Variants in AHCTF1 observed in about 807,000 individuals in gnomAD.
The protein encoded by AHCTF1 is AT-hook containing transcription factor 1, also known as protein ELYS.
AHCTF1 carries 24 observed loss-of-function variants against 248.4 expected under a neutral mutation model. The observed-to-expected ratio is 0.10, with a 90% CI of 0.07 to 0.14. The LOEUF is 0.14. Ranked by LOEUF, AHCTF1 falls within the 10% of genes least tolerant of loss-of-function variation. The pLI, the probability that AHCTF1 is intolerant of heterozygous loss-of-function variation, is 1.00. For synonymous variants in AHCTF1, 786 were observed against 929.8 expected, an observed-to-expected ratio of 0.85 and a Z score of 2.81; for missense variants, 2,206 against 2,636.2, an observed-to-expected ratio of 0.84 and a Z score of 3.57.
At chr1:246,885,425 C>G in intron 21 of AHCTF1, 68 bp downstream of exon 21, 2 of 1,346,764 alleles carry the variant, frequency 1.5e-6, no homozygotes, top group Non-Finnish European at 2.0e-6. Context: ...TTGCCACTGT[C>G]TATCTCATCA....
intron 1 of AHCTF1, 147 bp downstream of exon 1, chr1:246,931,431 G>A (rs1276699647): frequency 4.3e-6 from 6 of 1,405,816 alleles, no homozygotes; most frequent in Non-Finnish European, 5.6e-6. Context: ...CCCATCCGTT[G>A]GCCCCGCGCA....
rs751362444 is a variant in AHCTF1 at position 246,918,358 on chromosome 1, T to C, written c.13A>G (p.Arg5Gly). The change falls in exon 2 of 36, where the codon AGA (arginine) becomes GGA (glycine). Residue 5 changes from arginine to glycine, a missense_variant. Coordinates refer to ENST00000648844, the MANE Select transcript of AHCTF1 (RefSeq NM_001323342.2). Reference protein sequence around the residue: MRDLRAQVTSGLLPF... With the variant: MRDLGAQVTSGLLPF... The stretch of plus-strand genomic sequence containing the variant: ...AGGAGACCACTAGTCACTTGAGCTC[T>C]TAAGTCTCGCATACTTCCACTGTAA... The C allele has an allele frequency of 3.1e-6, 5 of 1,611,780 alleles. No homozygotes were observed. In the South Asian group the frequency reaches 5.5e-5, roughly 18 times the overall value.
chr1:246,931,299 G>C, intron 1 of AHCTF1: 1 of 1,547,554 alleles, frequency 6.5e-7, no homozygotes. Context: ...GGCGCAGGAC[G>C]CGAACCACCA....
chr1:246,874,243 G>T (rs1662791609), intron 24 of AHCTF1, among the ~76,000 whole-genome samples: 2 of 152,094 alleles, frequency 1.3e-5, no homozygotes, highest in Non-Finnish European at 2.9e-5. Flanking sequence ...GACCATCTTT[G>T]AGGTGGGCCT....
chr1:246,867,811 A>G lies in AHCTF1; in HGVS notation c.3089T>C (p.Val1030Ala), dbSNP rs1173357053. The G allele has an allele frequency of 1.9e-6, 3 of 1,607,340 alleles. No individual in the cohort carries two copies. The highest frequency in any genetic ancestry group is 2.5e-6 in the Non-Finnish European group (3 of 1,177,256). The change falls in exon 25 of 36, where the codon GTT becomes GCT. Residue 1030 changes from valine to alanine, a missense_variant and splice_region_variant. Transcript: ENST00000648844. Reference sequence around the variant, plus strand: ...TGCTGATAATGGTTTGGGTCTAGAAACTGTAAAATGAAGAACGCTGGAATT... The same window carrying G: ...TGCTGATAATGGTTTGGGTCTAGAAGCTGTAAAATGAAGAACGCTGGAATT... ...HLSTSSVFRL[V>A]SRPKPLSAVP...
rs776985432 is a variant in AHCTF1, at chr1:246,851,454, AAAGAT to A, written c.4564-17_4564-13del. 31 of 1,587,200 alleles carry A rather than the reference AAAGAT, an allele frequency of 2.0e-5. No homozygotes were observed. The African/African-American group carries it at 2.3e-4, about 12-fold the overall frequency. ...TCTTGTTCAATCACCTAAATGAATT[AAAGAT>A]AAGAGACTGGTTAAAGAATTTTAAT... On this transcript the variant is annotated splice_polypyrimidine_tract_variant and intron_variant, in intron 32 of 35. Transcript: ENST00000648844.
chr1:246,919,701 C>G (rs1352038596), intron 1 of AHCTF1, among the ~76,000 whole-genome samples: 1 of 87,834 alleles, frequency 1.1e-5, no homozygotes, highest in Admixed American at 1.1e-4. Context: ...AAGACTCCAT[C>G]TCAAAAAAAA....
At chr1:246,869,252 T>TC (rs1443135175) in intron 24 of AHCTF1, among the ~76,000 whole-genome samples, 1 of 151,960 alleles carries the variant, frequency 6.6e-6, no homozygotes, top group South Asian at 2.1e-4. Flanking sequence ...GACTAACTGT[T>TC]CCCCCGCGTC....
At chr1:246,841,057 G>C in intron 35 of AHCTF1, 59 bp from the exon 36 acceptor site, 4 of 1,460,710 alleles carry the variant, frequency 2.7e-6, no homozygotes, top group South Asian at 1.4e-5. Context: ...AAATAAAATT[G>C]GCTTCCCAAC....
chr1:246,927,555 A>C (rs779527555), intron 1 of AHCTF1, among the ~76,000 whole-genome samples: 14 of 152,268 alleles, frequency 9.2e-5, no homozygotes, highest in Non-Finnish European at 1.8e-4. Context: ...AACACACATG[A>C]AACACCTACG....
At chr1:246,861,849 C>G (rs1349271077) in intron 28 of AHCTF1, 110 bp downstream of exon 28, 2 of 921,940 alleles carry the variant, frequency 2.2e-6, no homozygotes, top group Admixed American at 2.9e-5. Context: ...AGATTATATA[C>G]AAAAATCTAT....
chr1:246,863,780 G>C lies in AHCTF1; in HGVS notation c.3540+144C>G, dbSNP rs902040042. 3.8e-6 allele frequency: 3 copies of C among 781,914 alleles called. No homozygotes were observed. The Admixed American group carries it at 8.4e-5, about 22-fold the overall frequency. 48.4% of individuals were successfully genotyped at this position (781,914 alleles called of 1,614,324 possible). On this transcript the variant is annotated intron_variant, in intron 27 of 35. Coordinates refer to ENST00000648844, the MANE Select transcript of AHCTF1 (RefSeq NM_001323342.2). ...AATTTAATTAGCTCCGTTTTTAGAA[G>C]ATGTGAAAACATAAAAGGATGCTTA...
At chr1:246,902,406 T>C (rs1263992513) in intron 8 of AHCTF1, 119 bp downstream of exon 8, 2 of 1,259,990 alleles carry the variant, frequency 1.6e-6, no homozygotes, top group East Asian at 2.3e-5. Flanking sequence ...ACTGAATAAA[T>C]TCCGTTAATT....
intron 1 of AHCTF1, among the ~76,000 whole-genome samples, chr1:246,922,086 ACAGTGGCT>A (rs1451623901): frequency 6.6e-6 from 1 of 152,180 alleles, no homozygotes; most frequent in African/African-American, 2.4e-5. Flanking sequence ...AGGGCTGGGC[ACAGTGGCT>A]CACGCCTGTA....
At chr1:246,914,536 T>C (rs1666015018) in intron 3 of AHCTF1, among the ~76,000 whole-genome samples, 2 of 152,234 alleles carry the variant, frequency 1.3e-5, no homozygotes, top group Admixed American at 1.3e-4. Flanking sequence ...ACTGTAATAA[T>C]GTCTATAAAT....
intron 21 of AHCTF1, among the ~76,000 whole-genome samples, chr1:246,883,828 A>C (rs1663625816): frequency 1.3e-5 from 2 of 152,220 alleles, no homozygotes; most frequent in South Asian, 4.1e-4. Flanking sequence ...TAAGGTTTAG[A>C]AATTAAACTA....
Position 246,849,786 on chromosome 1 carries a change from G to A in AHCTF1, c.6220C>T (p.His2074Tyr). The A allele has an allele frequency of 6.2e-7, 1 of 1,613,918 alleles. No individual in the cohort carries two copies. ...TCTTCCTGCTCATTTGTTTCTTTATGTGTCATTTCATCTGTGCGTTCTTCT... is the reference window on the plus strand; with the variant it reads ...TCTTCCTGCTCATTTGTTTCTTTATATGTCATTTCATCTGTGCGTTCTTCT... ...VSEERTDEMTHKETNEQEERL... is the reference protein window; with the variant it reads ...VSEERTDEMTYKETNEQEERL... Residue 2074 changes from histidine (H) to tyrosine (Y), a missense_variant, in exon 33 of 36, where the codon CAT becomes TAT. His to Tyr is a moderately conservative substitution (Grantham distance 83). This residue lies in a region of AHCTF1 where 469 missense variants were observed against 470.0 expected (regional missense o/e 1.00). Transcript: ENST00000648844.
chr1:246,904,133 T>A, intron 6 of AHCTF1, 100 bp from the exon 7 acceptor site: 1 of 921,508 alleles, frequency 1.1e-6, no homozygotes, highest in Non-Finnish European at 1.7e-6. Flanking sequence ...TGAGTGCATG[T>A]GACAAAACTA....
chr1:246,931,248 A>G, intron 1 of AHCTF1: 1 of 1,549,754 alleles, frequency 6.5e-7, no homozygotes, highest in South Asian at 1.2e-5. Context: ...ACAGTGGGAA[A>G]GGGTCGCGGC....
Sources: gnomAD v4.1 joint callset for allele counts (sites outside exome capture counted in the v4.1 genomes callset) on GRCh38, gnomAD v4.1.1 for gene constraint, gnomAD v4.1.1 regional missense constraint, MANE v1.5 for transcripts, NCBI Gene and HGNC (gene_info 2026-07-23, HGNC 2026-07-21) for gene names.